The following CCSER1 variants were observed in gnomAD, a reference collection of about 807,000 sequenced individuals.
CCSER1 encodes coiled-coil serine rich protein 1.
Under a neutral mutation model 82.0 loss-of-function variants are expected in CCSER1, and 41 were observed. That is an observed-to-expected ratio of 0.50 (90% CI 0.39 to 0.65). CCSER1 has a LOEUF of 0.65. CCSER1 is among the 30% of genes least tolerant of loss of function. The pLI is 0.00. For synonymous variants in CCSER1, 414 were observed against 383.9 expected, an observed-to-expected ratio of 1.08 and a Z score of -0.92; for missense variants, 1,119 against 1,064.2, an observed-to-expected ratio of 1.05 and a Z score of -0.72.
At chr4:91,102,295 C>T (rs1581557745) in intron 10 of CCSER1, among the ~76,000 whole-genome samples, 2 of 69,232 alleles carry the variant, frequency 2.9e-5, no homozygotes, top group East Asian at 6.6e-4. Flanking sequence ...ATGTTAAAAT[C>T]CAGGCTGGGT....
chr4:90,265,452 T>C (rs1725071043), intron 1 of CCSER1, among the ~76,000 whole-genome samples: 1 of 151,920 alleles, frequency 6.6e-6, no homozygotes, highest in Non-Finnish European at 1.5e-5. Context: ...TTAATATTTT[T>C]TCTTGAACAT....
chr4:91,362,477 A>T (rs1386696193), intron 10 of CCSER1, among the ~76,000 whole-genome samples: 1 of 151,884 alleles, frequency 6.6e-6, no homozygotes, highest in East Asian at 1.9e-4. Flanking sequence ...TTACTAGTTT[A>T]TATATGTATA....
intron 10 of CCSER1, among the ~76,000 whole-genome samples, chr4:91,185,123 T>G (rs1379711950): frequency 6.6e-6 from 1 of 152,238 alleles, no homozygotes; most frequent in African/African-American, 2.4e-5. Context: ...TAAATTTCTT[T>G]CCCTGAATAG....
At chr4:90,599,999 T>C (rs1783842693) in intron 5 of CCSER1, among the ~76,000 whole-genome samples, 1 of 152,178 alleles carries the variant, frequency 6.6e-6, no homozygotes, top group African/African-American at 2.4e-5. Context: ...ACTTTTCACT[T>C]AACATAATTA....
At chr4:91,157,906 C>A (rs77255980) in intron 10 of CCSER1, among the ~76,000 whole-genome samples, 2,574 of 152,024 alleles carry the variant, frequency 0.017, 70 homozygotes, top group African/African-American at 0.058. Flanking sequence ...GTTGTTAAAT[C>A]ATTTCTTCAG....
chr4:91,003,813 G>A (rs924235226), intron 9 of CCSER1, among the ~76,000 whole-genome samples: 1 of 152,170 alleles, frequency 6.6e-6, no homozygotes, highest in African/African-American at 2.4e-5. Flanking sequence ...TTTTCCCAGT[G>A]CCTCTGGCTG....
intron 9 of CCSER1, among the ~76,000 whole-genome samples, chr4:91,059,077 A>C (rs1253937858): frequency 6.6e-6 from 1 of 152,054 alleles, no homozygotes; most frequent in Non-Finnish European, 1.5e-5. Context: ...TAGGAAAAAA[A>C]TCATGACATT....
At chr4:90,500,327 A>C (rs781047358) in intron 5 of CCSER1, among the ~76,000 whole-genome samples, 3 of 151,824 alleles carry the variant, frequency 2.0e-5, no homozygotes, top group Non-Finnish European at 4.4e-5. Context: ...AAAGGTCATC[A>C]TACTTGATCC....
At chr4:91,532,624 G>A (rs150490214) in intron 10 of CCSER1, among the ~76,000 whole-genome samples, 4 of 152,166 alleles carry the variant, frequency 2.6e-5, no homozygotes, top group Admixed American at 6.6e-5. Flanking sequence ...GGGCGTGGTC[G>A]CTCATGTCTG....
chr4:91,436,256 G>A (rs1250938418), intron 10 of CCSER1, among the ~76,000 whole-genome samples: 1 of 151,960 alleles, frequency 6.6e-6, no homozygotes, highest in Non-Finnish European at 1.5e-5. Flanking sequence ...TCAAAGTTTT[G>A]TTTCTGTTTG....
intron 1 of CCSER1, among the ~76,000 whole-genome samples, chr4:90,229,782 G>C (rs1030645092): frequency 3.3e-5 from 5 of 152,034 alleles, no homozygotes; most frequent in Admixed American, 6.6e-5. Flanking sequence ...GAAGATCTAC[G>C]AAGCAAATGG....
intron 9 of CCSER1, among the ~76,000 whole-genome samples, chr4:90,999,879 GTTTT>G (rs33987640): frequency 1.0e-3 from 138 of 137,476 alleles, no homozygotes; most frequent in African/African-American, 2.6e-3. Context: ...TGTTTCTGAG[GTTTT>G]TTTTTTTTTT....
chr4:90,711,573 G>C (rs1740618542), intron 6 of CCSER1, among the ~76,000 whole-genome samples: 1 of 151,994 alleles, frequency 6.6e-6, no homozygotes, highest in African/African-American at 2.4e-5. Flanking sequence ...GGCCTTTTCT[G>C]CACCTATTGA....
In CCSER1 at chr4:90,447,436, A is replaced by T. The variant is rs142318936; in HGVS notation, c.1604-20798A>T. Among the ~76,000 whole-genome samples, 75 of 152,288 alleles carry T rather than the reference A, an allele frequency of 4.9e-4. 1 individual carries two copies. The highest frequency in any genetic ancestry group is 1.7e-3 in the African/African-American group (72 of 41,562). ...TTTCTGGCTGTTGAAATCAAATAGCAAAAATTCTCTGAAGGGGCAGGAATT... is the reference window on the plus strand; with the variant it reads ...TTTCTGGCTGTTGAAATCAAATAGCTAAAATTCTCTGAAGGGGCAGGAATT... On this transcript the variant is annotated intron_variant, in intron 4 of 10. Transcript: ENST00000509176.
chr4:91,027,808 G>A (rs1740625047), intron 9 of CCSER1, among the ~76,000 whole-genome samples: 1 of 152,020 alleles, frequency 6.6e-6, no homozygotes, highest in African/African-American at 2.4e-5. Flanking sequence ...CCTGTGTTTA[G>A]TCCTGGAAAG....
At chr4:91,378,215 A>T (rs1750580531) in intron 10 of CCSER1, among the ~76,000 whole-genome samples, 3 of 151,954 alleles carry the variant, frequency 2.0e-5, no homozygotes, top group Non-Finnish European at 4.4e-5. Context: ...TTGGCTTAGG[A>T]TTGTCTTGGC....
intron 1 of CCSER1, among the ~76,000 whole-genome samples, chr4:90,184,410 T>C (rs529382525): frequency 6.6e-6 from 1 of 152,238 alleles, no homozygotes; most frequent in African/African-American, 2.4e-5. Flanking sequence ...GACTGACTTC[T>C]TAAAATTTTT....
intron 6 of CCSER1, 136 bp from the exon 7 acceptor site, chr4:90,723,778 G>A (rs190297944): frequency 4.5e-4 from 188 of 414,628 alleles, no homozygotes; most frequent in African/African-American, 2.5e-3. Context: ...TTAAATCTAC[G>A]TTAAATCTGA....
intron 10 of CCSER1, among the ~76,000 whole-genome samples, chr4:91,218,174 T>TG (rs1426142832): frequency 7.2e-5 from 11 of 152,200 alleles, no homozygotes; most frequent in Non-Finnish European, 1.2e-4. Flanking sequence ...CCGGCACTGC[T>TG]GGGGGACTCA....
Sources: allele counts gnomAD v4.1 joint callset (sites outside exome capture counted in the v4.1 genomes callset), GRCh38; gene constraint gnomAD v4.1.1; transcripts MANE v1.5; gene names NCBI Gene and HGNC (gene_info 2026-07-23, HGNC 2026-07-21).